CDH20: variants seen among roughly 807,000 people sequenced by gnomAD.
CDH20 encodes the protein cadherin-20.
In CDH20, 29 loss-of-function variants were observed where a neutral mutation model predicts 74.2. That is an observed-to-expected ratio of 0.39 (90% confidence interval 0.29 to 0.53). The LOEUF (loss-of-function observed/expected upper bound fraction) is 0.53. CDH20 is among the 20% of genes least tolerant of loss of function. CDH20 has a pLI of 0.69. For missense variants in CDH20, 988 were observed against 1,048.3 expected (o/e 0.94, Z 0.79); for synonymous variants, 469 against 405.4 (o/e 1.16, Z -1.88).
chr18:61,395,571 C>A (rs1911936680), intron 1 of CDH20, among the ~76,000 whole-genome samples: 1 of 152,140 alleles, frequency 6.6e-6, no homozygotes, highest in Admixed American at 6.5e-5. Flanking sequence ...TGGTCACATT[C>A]CAGCCTTATC....
chr18:61,369,706 C>T (rs1001997740), intron 1 of CDH20, among the ~76,000 whole-genome samples: 9 of 152,084 alleles, frequency 5.9e-5, no homozygotes, highest in African/African-American at 2.2e-4. Context: ...AGATGTGGAA[C>T]ATATACACCA....
intron 1 of CDH20, among the ~76,000 whole-genome samples, chr18:61,415,272 T>C (rs570121833): frequency 6.6e-6 from 1 of 152,292 alleles, no homozygotes; most frequent in East Asian, 1.9e-4. Context: ...AAAATATATA[T>C]TTTAAGTCAT....
chr18:61,464,306 G>A (rs1185052552), intron 1 of CDH20, among the ~76,000 whole-genome samples: 1 of 149,996 alleles, frequency 6.7e-6, no homozygotes, highest in East Asian at 2.0e-4. Context: ...TGGTGGTTTA[G>A]CAAGGTGTTA....
intron 1 of CDH20, among the ~76,000 whole-genome samples, chr18:61,373,169 C>T (rs943509488): frequency 6.7e-6 from 1 of 150,160 alleles, no homozygotes; most frequent in Non-Finnish European, 1.5e-5. Flanking sequence ...GAATAAATGA[C>T]AGATGAAAAA....
At chr18:61,492,196 T>C (rs525197) in intron 2 of CDH20, among the ~76,000 whole-genome samples, 151,816 of 152,182 alleles carry the variant, frequency 1, 75,727 homozygotes, top group Non-Finnish European at 1. Flanking sequence ...ACCCACCCAT[T>C]ATTTCCTAAA....
At chr18:61,530,383 T>C (rs977948047) in intron 7 of CDH20, among the ~76,000 whole-genome samples, 2 of 152,246 alleles carry the variant, frequency 1.3e-5, no homozygotes, top group African/African-American at 2.4e-5. Context: ...ATTTTTCATA[T>C]TAAAGTTACT....
At chr18:61,490,860 G>C in intron 2 of CDH20, 61 bp downstream of exon 2, 3 of 1,558,646 alleles carry the variant, frequency 1.9e-6, no homozygotes, top group Non-Finnish European at 2.6e-6. Flanking sequence ...TATGAATTGA[G>C]TATCAAAGTT....
intron 6 of CDH20, among the ~76,000 whole-genome samples, chr18:61,513,051 G>A (rs1397319316): frequency 6.6e-6 from 1 of 151,800 alleles, no homozygotes; most frequent in Non-Finnish European, 1.5e-5. Context: ...CAATTCCTGG[G>A]TATCCTTGAT....
chr18:61,335,078 A>C (rs557167502), intron 1 of CDH20, among the ~76,000 whole-genome samples: 1 of 152,226 alleles, frequency 6.6e-6, no homozygotes, highest in African/African-American at 2.4e-5. Flanking sequence ...AACTAGGATG[A>C]GTTTGAACCC....
At chr18:61,539,230 C>A in intron 9 of CDH20, 85 bp downstream of exon 9, 2 of 1,365,424 alleles carry the variant, frequency 1.5e-6, no homozygotes, top group Non-Finnish European at 2.1e-6. Flanking sequence ...CCATCAAAGC[C>A]ATTTTGACTC....
intron 2 of CDH20, among the ~76,000 whole-genome samples, chr18:61,494,047 A>C (rs534383989): frequency 1.3e-5 from 2 of 152,344 alleles, no homozygotes; most frequent in South Asian, 4.1e-4. Context: ...AAAGCAGATC[A>C]TTTAATCATC....
intron 7 of CDH20, among the ~76,000 whole-genome samples, chr18:61,530,857 A>T (rs1340783694): frequency 6.6e-6 from 1 of 152,082 alleles, no homozygotes; most frequent in Non-Finnish European, 1.5e-5. Context: ...CCTGCTCCTG[A>T]CACCCCACCT....
intron 10 of CDH20, 139 bp from the exon 11 acceptor site, chr18:61,549,839 C>T (rs1329108899): frequency 6.3e-5 from 56 of 890,994 alleles, no homozygotes; most frequent in Non-Finnish European, 8.5e-5. Flanking sequence ...CAGGCAAACC[C>T]GCCATGGTTG....
At chr18:61,430,558 C>T (rs1299332550) in intron 1 of CDH20, among the ~76,000 whole-genome samples, 3 of 151,920 alleles carry the variant, frequency 2.0e-5, no homozygotes, top group Non-Finnish European at 4.4e-5. Context: ...TGCTCCACAT[C>T]TCTGAAAGCA....
chr18:61,385,609 G>A (rs1911569529), intron 1 of CDH20, among the ~76,000 whole-genome samples: 1 of 151,954 alleles, frequency 6.6e-6, no homozygotes, highest in Admixed American at 6.6e-5. Flanking sequence ...CCATAGTTAT[G>A]AAGAACACAA....
intron 1 of CDH20, among the ~76,000 whole-genome samples, chr18:61,352,980 A>T (rs1261997390): frequency 6.6e-6 from 1 of 152,160 alleles, no homozygotes. Context: ...ATTCCTTTTG[A>T]TATAATAGCT....
At chr18:61,540,684 G>T (rs994157918) in intron 9 of CDH20, among the ~76,000 whole-genome samples, 1 of 152,130 alleles carries the variant, frequency 6.6e-6, no homozygotes, top group African/African-American at 2.4e-5. Flanking sequence ...TGAGATTTGG[G>T]TGGGGACACA....
At chr18:61,517,500 T>C (rs1241335582) in intron 6 of CDH20, among the ~76,000 whole-genome samples, 1 of 152,158 alleles carries the variant, frequency 6.6e-6, no homozygotes, top group Non-Finnish European at 1.5e-5. Flanking sequence ...GAACTCCCTC[T>C]CCTAGCCAGG....
intron 6 of CDH20, among the ~76,000 whole-genome samples, chr18:61,519,298 G>A (rs1456588060): frequency 6.6e-6 from 1 of 151,086 alleles, no homozygotes; most frequent in East Asian, 1.9e-4. Flanking sequence ...CTCGAGAAGA[G>A]CAACCCCAAG....
Sources: allele counts gnomAD v4.1 joint callset (sites outside exome capture counted in the v4.1 genomes callset), GRCh38; gene constraint gnomAD v4.1.1; transcripts MANE v1.5; gene names NCBI Gene and HGNC (gene_info 2026-07-23, HGNC 2026-07-21).